Variants in ALAS1 observed in about 807,000 individuals in gnomAD.
ALAS1 encodes the protein 5-aminolevulinate synthase, non-specific, mitochondrial.
A neutral mutation model predicts 59.6 loss-of-function variants in ALAS1; 29 were observed. That is an observed-to-expected ratio of 0.49 (90% confidence interval 0.36 to 0.66). ALAS1 has a LOEUF of 0.66. Ranked by LOEUF, ALAS1 falls within the 30% of genes least tolerant of loss-of-function variation. The pLI is 0.00. For missense variants in ALAS1, 690 were observed against 807.5 expected (o/e 0.85, Z 1.76); for synonymous variants, 299 against 296.6 (o/e 1.01, Z -0.08).
Position 52,199,240 on chromosome 3 carries a change from A to G in ALAS1, c.-2A>G, listed in dbSNP as rs1223280467. On this transcript the variant is annotated 5_prime_UTR_variant, in exon 3 of 12. Coordinates refer to ENST00000484952, the MANE Select transcript of ALAS1 (RefSeq NM_000688.6). The stretch of plus-strand genomic sequence containing the variant: ...CCACAGGAGCCAGCATACTTCCTGA[A>G]CATGGAGAGTGTTGTTCGCCGCTGC... 4.3e-6 allele frequency: 7 copies of G among 1,614,236 alleles called. No individual in the cohort carries two copies. Among genetic ancestry groups the G allele is most frequent in the Non-Finnish European group, 5.1e-6 (6 of 1,180,044 alleles).
At chr3:52,208,375 T>C (rs2107276707) in intron 9 of ALAS1, 128 bp downstream of exon 9, 1 of 1,034,596 alleles carries the variant, frequency 9.7e-7, no homozygotes, top group South Asian at 1.6e-5. Flanking sequence ...ACTCTTTCTT[T>C]TGGCCCAGCT....
Position 52,206,910 on chromosome 3 carries a change from C to T in ALAS1, c.1165+159C>T, listed in dbSNP as rs987404436. 2.0e-5 allele frequency among the ~76,000 whole-genome samples: 3 copies of T among 152,044 alleles called. No individual in the cohort carries two copies. The South Asian group carries it at 6.2e-4, about 32-fold the overall frequency. ...AGTGCAGTGGTGCGATCTCGACTCA[C>T]TGCAAGCTCCGCCTCCCGGGTTCAC... On this transcript the variant is annotated intron_variant, in intron 8 of 11. Coordinates refer to ENST00000484952, the MANE Select transcript of ALAS1 (RefSeq NM_000688.6).
chr3:52,198,214 T>C lies in ALAS1; in HGVS notation c.-251T>C. 1 of 398,932 alleles carries C rather than the reference T, an allele frequency of 2.5e-6. No homozygotes were observed. Among genetic ancestry groups the C allele is most frequent in the Non-Finnish European group, 4.4e-6 (1 of 226,186 alleles). The allele number at this position is 398,932 out of a possible 1,614,324, so 24.7% of individuals were successfully genotyped here. A position where few individuals can be genotyped will look rare whatever the true frequency, so the allele number is the denominator to read the frequency against. On this transcript the variant is annotated 5_prime_UTR_variant, in exon 1 of 12. Coordinates refer to ENST00000484952, the MANE Select transcript of ALAS1 (RefSeq NM_000688.6). Reference sequence around the variant, plus strand: ...TTTCGTTTGGACTTCTCGACTTGAGTGCCCGCCTCCTTCGCCGCCGCCTCT... The same window carrying C: ...TTTCGTTTGGACTTCTCGACTTGAGCGCCCGCCTCCTTCGCCGCCGCCTCT...
At chr3:52,212,535 T>C in intron 11 of ALAS1, 115 bp downstream of exon 11, 1 of 1,408,902 alleles carries the variant, frequency 7.1e-7, no homozygotes, top group Non-Finnish European at 9.9e-7. Context: ...CTTCTTTTTT[T>C]AGTTTTTTTT....
At position 52,211,405 on chromosome 3, in the gene ALAS1, G is replaced by A; in HGVS notation, c.1453G>A (p.Ala485Thr). The A allele has an allele frequency of 6.2e-7, 1 of 1,614,194 alleles. No individual in the cohort carries two copies. Among genetic ancestry groups the A allele is most frequent in the Non-Finnish European group, 8.5e-7 (1 of 1,180,040 alleles). Residue 485 changes from alanine to threonine, a missense_variant, in exon 10 of 12, where the codon GCC (alanine) becomes ACC (threonine). Physicochemically the swap from Ala to Thr is moderately conservative, Grantham distance 58. Transcript: ENST00000484952. ...TCTGCCACCCATGCTGCTGGCTGGAGCCCTGGAGTCTGTGCGGATCCTGAA... is the reference window on the plus strand; with the variant it reads ...TCTGCCACCCATGCTGCTGGCTGGAACCCTGGAGTCTGTGCGGATCCTGAA... ...TSLPPMLLAG[A>T]LESVRILKSA...
chr3:52,202,443 AGT>A (rs1699205580), intron 3 of ALAS1, 62 bp from the exon 4 acceptor site: 3 of 1,237,184 alleles, frequency 2.4e-6, no homozygotes, highest in Non-Finnish European at 2.4e-6. Flanking sequence ...GAAAGAAATA[AGT>A]GGTTTTCTTA....
In ALAS1 at chr3:52,211,352, A is replaced by G. The variant is rs1699402128; in HGVS notation, c.1400A>G (p.Tyr467Cys). ...TSSLIDTVRS[Y>C]AAGFIFTTSL... ...TCTCTGATTGACACCGTACGGTCCT[A>G]TGCTGCTGGCTTCATCTTCACCACC... The change falls in exon 10 of 12, where the codon TAT becomes TGT. Residue 467 changes from tyrosine to cysteine, a missense_variant. Coordinates refer to ENST00000484952, the MANE Select transcript of ALAS1 (RefSeq NM_000688.6). 6.2e-7 allele frequency: 1 copy of G among 1,614,054 alleles called. No individual in the cohort carries two copies. The highest frequency in any genetic ancestry group is 1.3e-5 in the African/African-American group (1 of 74,888).
In ALAS1 at chr3:52,198,175, A is replaced by G. The variant is rs529309778; in HGVS notation, c.-290A>G. Reference sequence around the variant, plus strand: ...TCGCGGCCTGAGGCTGCTCCCGGACAAGGGCAACGAGCGTTTCGTTTGGAC... The same window carrying G: ...TCGCGGCCTGAGGCTGCTCCCGGACGAGGGCAACGAGCGTTTCGTTTGGAC... On this transcript the variant is annotated 5_prime_UTR_variant, in exon 1 of 12. Transcript: ENST00000484952. 5.0e-6 allele frequency: 2 copies of G among 398,442 alleles called. No homozygotes were observed. The highest frequency in any genetic ancestry group is 8.9e-6 in the Non-Finnish European group (2 of 225,960). 24.7% of individuals were successfully genotyped at this position (398,442 alleles called of 1,614,324 possible).
chr3:52,206,109 A>C (rs1699287092), intron 7 of ALAS1, 86 bp downstream of exon 7: 1 of 1,252,576 alleles, frequency 8.0e-7, no homozygotes, highest in Admixed American at 2.4e-5. Context: ...GCCTTACCAG[A>C]ACCTCTCAAT....
At chr3:52,212,141 T>C in intron 10 of ALAS1, 117 bp from the exon 11 acceptor site, 2 of 872,358 alleles carry the variant, frequency 2.3e-6, no homozygotes, top group Admixed American at 2.4e-5. Context: ...CAAGCTTGCA[T>C]GTGTTGCTAC....
upstream of ALAS1, chr3:52,198,148 G>A: frequency 2.5e-6 from 1 of 398,410 alleles, no homozygotes; most frequent in Non-Finnish European, 4.4e-6. Context: ...AGGCGCCGGC[G>A]ATCGCGGCCT....
rs138392008 is a variant in ALAS1 at position 52,202,715 on chromosome 3, A to G, written c.408A>G (p.Glu136=). The part of the protein sequence containing the change: ...ASLELQEDVQ[E]MNAVRKEVAE... ...TTGAGCTTCAGGAGGATGTGCAGGA[A>G]ATGAATGCCGTGAGGAAAGGTAAGA... The change falls in exon 4 of 12, where the codon GAA becomes GAG. Residue 136 remains glutamate (E), a synonymous_variant. Coordinates refer to ENST00000484952, the MANE Select transcript of ALAS1 (RefSeq NM_000688.6). 1.8e-4 allele frequency: 284 copies of G among 1,613,892 alleles called. No homozygotes were observed. The highest frequency in any genetic ancestry group is 1.8e-4 in the Non-Finnish European group (216 of 1,179,948).
chr3:52,214,212 G>A lies in ALAS1; in HGVS notation c.*32G>A. On this transcript the variant is annotated 3_prime_UTR_variant, in exon 12 of 12. Transcript: ENST00000484952. ...CCTCAATTATTTCACTTAACCCCAGGCCATTATCATATCCAGATGGTCTTC... is the reference window on the plus strand; with the variant it reads ...CCTCAATTATTTCACTTAACCCCAGACCATTATCATATCCAGATGGTCTTC... 1.3e-6 allele frequency: 2 copies of A among 1,553,548 alleles called. No individual in the cohort carries two copies. The highest frequency in any genetic ancestry group is 3.5e-5 in the Admixed American group (2 of 57,942).
Position 52,199,468 on chromosome 3 carries a change from G to A in ALAS1, c.199+28G>A, listed in dbSNP as rs1432028914. The A allele has an allele frequency of 3.1e-6, 5 of 1,602,154 alleles. No homozygotes were observed. In the South Asian group the frequency reaches 5.5e-5, roughly 18 times the overall value. The stretch of plus-strand genomic sequence containing the variant: ...AAGTGTCATTGACAATGAAGGAGCA[G>A]GTATGGGTGTTTGTGCTCATTGGTA... On this transcript the variant is annotated intron_variant, in intron 3 of 11. Transcript: ENST00000484952.
chr3:52,214,322 A>G lies in ALAS1; in HGVS notation c.*142A>G. 2 of 806,926 alleles carry G rather than the reference A, an allele frequency of 2.5e-6. No individual in the cohort carries two copies. The highest frequency in any genetic ancestry group is 1.8e-6 in the Non-Finnish European group (1 of 550,234). The allele number at this position is 806,926 out of a possible 1,614,324, so 50.0% of individuals were successfully genotyped here. A position where few individuals can be genotyped will look rare whatever the true frequency, so the allele number is the denominator to read the frequency against. ...GTCCTGGAAATAAATTCTTGCTTAA[A>G]TGGTGGTTCTTTCTGCTATTGGCTA... On this transcript the variant is annotated 3_prime_UTR_variant, in exon 12 of 12. Coordinates refer to ENST00000484952, the MANE Select transcript of ALAS1 (RefSeq NM_000688.6).
rs1238716682 is a variant in ALAS1, at chr3:52,206,632, G to A, written c.1046G>A (p.Ser349Asn). ...HASMIQGIRN[S>N]RVPKYIFRHN... ...TCCATGATCCAAGGGATTCGAAACA[G>A]CCGAGTGCCAAAGTACATCTTCCGC... is the stretch of plus-strand genomic sequence containing the variant. The change falls in exon 8 of 12, where the codon AGC becomes AAC. Residue 349 changes from serine to asparagine, a missense_variant. Physicochemically the swap from Ser to Asn is conservative, Grantham distance 46. Coordinates refer to ENST00000484952, the MANE Select transcript of ALAS1 (RefSeq NM_000688.6). The A allele has an allele frequency of 1.2e-6, 2 of 1,614,210 alleles. No individual in the cohort carries two copies. Among genetic ancestry groups the A allele is most frequent in the Non-Finnish European group, 8.5e-7 (1 of 1,180,044 alleles).
At chr3:52,212,537 GTTTTT>G (rs530365868) in intron 11 of ALAS1, 117 bp downstream of exon 11, 983 of 1,215,908 alleles carry the variant, frequency 8.1e-4, no homozygotes, top group Admixed American at 1.1e-3. Context: ...TCTTTTTTTA[GTTTTT>G]TTTTTGAGAC....
chr3:52,207,930 C>A (rs1320643981), intron 8 of ALAS1, among the ~76,000 whole-genome samples, 153 bp from the exon 9 acceptor site: 1 of 152,092 alleles, frequency 6.6e-6, no homozygotes, highest in Non-Finnish European at 1.5e-5. Context: ...GCTCTGGGAC[C>A]CCAGGTAACC....
Position 52,204,957 on chromosome 3 carries a change from G to T in ALAS1, c.800+42G>T, listed in dbSNP as rs770386748. 4 of 1,538,220 alleles carry T rather than the reference G, an allele frequency of 2.6e-6. No homozygotes were observed. In the African/African-American group the frequency reaches 5.5e-5, roughly 21 times the overall value. ...TTTCAAATATTACTGTTGTTATTTG[G>T]CAAGCCAATGATGATGTATAGGGGT... On this transcript the variant is annotated intron_variant, in intron 6 of 11. Transcript: ENST00000484952.
Sources: gnomAD v4.1 joint callset for allele counts (sites outside exome capture counted in the v4.1 genomes callset) on GRCh38, gnomAD v4.1.1 for gene constraint, MANE v1.5 for transcripts, NCBI Gene and HGNC (gene_info 2026-07-23, HGNC 2026-07-21) for gene names.